ZBTB4: variants seen among roughly 807,000 people sequenced by gnomAD.
The protein encoded by ZBTB4 is zinc finger and BTB domain-containing protein 4.
A neutral mutation model predicts 59.8 loss-of-function variants in ZBTB4; 14 were observed. The observed-to-expected ratio is 0.23, with a 90% confidence interval of 0.15 to 0.37. The LOEUF (loss-of-function observed/expected upper bound fraction) is 0.37. Among genes scored for constraint, ZBTB4 ranks in the 10% least tolerant of loss-of-function variants. The pLI is 1.00. For synonymous variants in ZBTB4, 587 were observed against 575.2 expected (o/e 1.02, Z -0.29); for missense variants, 1,198 against 1,380.8 (o/e 0.87, Z 2.10).
chr17:7,460,001 T>C lies in ZBTB4; in HGVS notation c.*1939A>G, dbSNP rs2069995275. The C allele has an allele frequency of 6.6e-6, 1 of 152,642 alleles. No homozygotes were observed. The highest frequency in any genetic ancestry group is 2.4e-5 in the African/African-American group (1 of 41,452). The allele number at this position is 152,642 out of a possible 1,614,324, so 9.5% of individuals were successfully genotyped here. On this transcript the variant is annotated 3_prime_UTR_variant, in exon 4 of 4. Transcript: ENST00000380599. ...CTCTCTTGTGGTTCCGCTGTATAGA[T>C]AGATAGATATATAATTTGTGTGTAG...
At chr17:7,482,939 A>T, upstream of ZBTB4, 1 of 1,612,024 alleles carries the variant, frequency 6.2e-7, no homozygotes, top group Non-Finnish European at 8.5e-7. Context: ...TGTGCTGGGC[A>T]GCATTGCCAT....
chr17:7,461,893 G>A lies in ZBTB4; in HGVS notation c.*47C>T. ...GCCAGGGAGCTGGTAGTGGTGGGGG[G>A]TTCAGGGAGGGTGGCATCTGGTGAA... On this transcript the variant is annotated 3_prime_UTR_variant, in exon 4 of 4. Coordinates refer to ENST00000380599, the MANE Select transcript of ZBTB4 (RefSeq NM_001128833.2). 6.7e-7 allele frequency: 1 copy of A among 1,491,736 alleles called. No homozygotes were observed. Among genetic ancestry groups the A allele is most frequent in the Non-Finnish European group, 9.0e-7 (1 of 1,109,826 alleles). 92.4% of individuals were successfully genotyped at this position (1,491,736 alleles called of 1,614,324 possible).
At chr17:7,471,635 G>GC (rs2070198171) in intron 1 of ZBTB4, among the ~76,000 whole-genome samples, 3 of 152,190 alleles carry the variant, frequency 2.0e-5, no homozygotes, top group Admixed American at 2.0e-4. Flanking sequence ...CTACTGCCCT[G>GC]CAAGGCCTTA....
chr17:7,480,160 G>A (rs1375028682), upstream of ZBTB4, among the ~76,000 whole-genome samples: 1 of 152,098 alleles, frequency 6.6e-6, no homozygotes, highest in Non-Finnish European at 1.5e-5. Flanking sequence ...ACACACGAAC[G>A]ACCACCAGCG....
intron 1 of ZBTB4, among the ~76,000 whole-genome samples, chr17:7,473,821 A>T (rs926187411): frequency 6.6e-6 from 1 of 152,156 alleles, no homozygotes; most frequent in African/African-American, 2.4e-5. Context: ...AAGTGCTGGG[A>T]TCATAGTGGA....
rs1307964825 is a variant in ZBTB4, at chr17:7,460,158, T to TA, written c.*1781dup. 1 of 152,492 alleles carries TA rather than the reference T, an allele frequency of 6.6e-6. No individual in the cohort carries two copies. Among genetic ancestry groups the TA allele is most frequent in the Non-Finnish European group, 1.5e-5 (1 of 68,020 alleles). The allele number at this position is 152,492 out of a possible 1,614,324, so 9.4% of individuals were successfully genotyped here. A position where few individuals can be genotyped will look rare whatever the true frequency, so the allele number is the denominator to read the frequency against. ...CCCCATTTGAAACCTTTCCCCCCCTTAAAAATTGGAACTTGGTACATTCAG... is the reference window on the plus strand; with the variant it reads ...CCCCATTTGAAACCTTTCCCCCCCTTAAAAAATTGGAACTTGGTACATTCAG... On this transcript the variant is annotated 3_prime_UTR_variant, in exon 4 of 4. Coordinates refer to ENST00000380599, the MANE Select transcript of ZBTB4 (RefSeq NM_001128833.2).
chr17:7,463,450 G>A lies in ZBTB4; in HGVS notation c.1532C>T (p.Thr511Ile). ...TTTCTTGGGTGGCCTCGGGGGAGCA[G>A]TGTAAGTGATAACCGAGGCAGCTTG... ...GSQAASVITY[T>I]APPRPPKKRE... Residue 511 changes from threonine to isoleucine, a missense_variant, in exon 4 of 4, where the codon ACT becomes ATT. By Grantham distance (89) the Thr-to-Ile change is moderately conservative. This residue lies in a region of ZBTB4 where 550 missense variants were observed against 541.8 expected (regional missense o/e 1.02). Transcript: ENST00000380599. 2 of 1,547,852 alleles carry A rather than the reference G, an allele frequency of 1.3e-6. No individual in the cohort carries two copies. The highest frequency in any genetic ancestry group is 1.7e-6 in the Non-Finnish European group (2 of 1,147,016).
chr17:7,467,324 C>T lies in ZBTB4; in HGVS notation c.-77G>A, dbSNP rs893984673. 10 of 886,332 alleles carry T rather than the reference C, an allele frequency of 1.1e-5. No individual in the cohort carries two copies. Among genetic ancestry groups the T allele is most frequent in the Non-Finnish European group, 1.4e-5 (10 of 738,750 alleles). The allele number at this position is 886,332 out of a possible 1,614,324, so 54.9% of individuals were successfully genotyped here. A position where few individuals can be genotyped will look rare whatever the true frequency, so the allele number is the denominator to read the frequency against. On this transcript the variant is annotated 5_prime_UTR_variant, in exon 2 of 4. Coordinates refer to ENST00000380599, the MANE Select transcript of ZBTB4 (RefSeq NM_001128833.2). The stretch of plus-strand genomic sequence containing the variant: ...GCGAGTCCCTTCTGCTGGGCCTCTT[C>T]CTTCTGCGGAGAAACAGAAATTATG...
At chr17:7,476,699 T>C (rs778065305) in intron 1 of ZBTB4, among the ~76,000 whole-genome samples, 7 of 152,160 alleles carry the variant, frequency 4.6e-5, no homozygotes, top group Non-Finnish European at 1.0e-4. Context: ...TTCCTCTGAC[T>C]CATCAACCTT....
chr17:7,470,699 A>G (rs1397899781), intron 1 of ZBTB4, among the ~76,000 whole-genome samples: 2 of 152,182 alleles, frequency 1.3e-5, no homozygotes, highest in Admixed American at 1.3e-4. Flanking sequence ...TTCGTCTCAA[A>G]ATAAATAAAT....
chr17:7,468,003 G>A (rs143198024), intron 1 of ZBTB4, among the ~76,000 whole-genome samples: 122 of 152,336 alleles, frequency 8.0e-4, no homozygotes, highest in Non-Finnish European at 6.0e-4. Context: ...GAGACCTGAT[G>A]CCCTAGGGAT....
At chr17:7,469,111 C>T (rs1018726655) in intron 1 of ZBTB4, among the ~76,000 whole-genome samples, 10 of 152,034 alleles carry the variant, frequency 6.6e-5, no homozygotes, top group African/African-American at 2.2e-4. Flanking sequence ...TTTGGATTAC[C>T]TCATTTGTTC....
At position 7,462,368 on chromosome 17, in the gene ZBTB4, C is replaced by G. The variant is rs755455137; in HGVS notation, c.2614G>C (p.Val872Leu). 8.7e-6 allele frequency: 14 copies of G among 1,613,930 alleles called. No individual in the cohort carries two copies. Among genetic ancestry groups the G allele is most frequent in the Admixed American group, 1.7e-5 (1 of 60,006 alleles). ...ATCAAGGCCAGTGGAAATTCCTGCA[C>G]AGGTGGGTATACATAGCTGCCCCCG... ...ASGGSYVYPP[V>L]QEFPLALIGG... is the part of the protein sequence containing the mutation. Residue 872 changes from valine to leucine, a missense_variant, in exon 4 of 4, where the codon GTG becomes CTG. Around this residue, in one of 9 missense-constraint regions of ZBTB4, gnomAD observed 211 missense variants for 236.1 expected, o/e 0.89. Coordinates refer to ENST00000380599, the MANE Select transcript of ZBTB4 (RefSeq NM_001128833.2). The surrounding 1 kb of genome is among the most constrained non-coding windows in gnomAD (Gnocchi z 7.5).
upstream of ZBTB4, chr17:7,481,526 G>A (rs1438316787): frequency 5.9e-5 from 92 of 1,557,622 alleles, no homozygotes; most frequent in Non-Finnish European, 7.9e-5. Context: ...GATGGTGAGT[G>A]TGGGGGCCAG....
rs923412353 is a variant in ZBTB4 at position 7,460,011 on chromosome 17, T to G, written c.*1929A>C. On this transcript the variant is annotated 3_prime_UTR_variant, in exon 4 of 4. Coordinates refer to ENST00000380599, the MANE Select transcript of ZBTB4 (RefSeq NM_001128833.2). ...GTTCCGCTGTATAGATAGATAGATA[T>G]ATAATTTGTGTGTAGATATATATAT... The G allele has an allele frequency of 1.3e-5, 2 of 152,602 alleles. No individual in the cohort carries two copies. Among genetic ancestry groups the G allele is most frequent in the African/African-American group, 4.8e-5 (2 of 41,432 alleles). The allele number at this position is 152,602 out of a possible 1,614,324, so 9.5% of individuals were successfully genotyped here.
intron 1 of ZBTB4, 116 bp from the exon 2 acceptor site, chr17:7,467,443 G>A (rs1303902289): frequency 5.5e-6 from 1 of 182,910 alleles, no homozygotes; most frequent in African/African-American, 2.4e-5. Flanking sequence ...CAGTACTGTG[G>A]CCAGAGAGGA....
chr17:7,481,426 C>T (rs1488351941), upstream of ZBTB4: 3 of 1,375,344 alleles, frequency 2.2e-6, no homozygotes, highest in African/African-American at 1.5e-5. Context: ...AGGGAAGAAC[C>T]CCACCCCCAC....
Position 7,466,431 on chromosome 17 carries a change from C to G in ZBTB4, c.371G>C (p.Arg124Pro). Residue 124 changes from arginine (R) to proline (P), a missense_variant, in exon 3 of 4, where the codon CGG becomes CCG. Around this residue, in one of 9 missense-constraint regions of ZBTB4, gnomAD observed 83 missense variants for 76.5 expected, o/e 1.09. Transcript: ENST00000380599. The surrounding 1 kb of genome is among the most constrained non-coding windows in gnomAD (Gnocchi z 9.1). Reference protein sequence around the residue: ...PASPPASSPPRVLELPGVPAA... With the variant: ...PASPPASSPPPVLELPGVPAA... ...TGGGACTCCTGGCAACTCCAGGACC[C>G]GGGGTGGGGAAGAAGCAGGGGGAGA... 3 of 1,611,762 alleles carry G rather than the reference C, an allele frequency of 1.9e-6. No individual in the cohort carries two copies. The highest frequency in any genetic ancestry group is 2.5e-6 in the Non-Finnish European group (3 of 1,179,502).
At chr17:7,477,093 A>AT (rs752081837) in intron 1 of ZBTB4, among the ~76,000 whole-genome samples, 11 of 151,910 alleles carry the variant, frequency 7.2e-5, no homozygotes, top group Non-Finnish European at 1.2e-4. Flanking sequence ...GTGGCCACAT[A>AT]TAAGTGCCCT....
Sources: gnomAD v4.1 joint callset for allele counts (sites outside exome capture counted in the v4.1 genomes callset) on GRCh38, gnomAD v4.1.1 for gene constraint, gnomAD v4.1.1 regional missense constraint, Gnocchi (gnomAD v3.1) non-coding constraint, MANE v1.5 for transcripts, NCBI Gene and HGNC (gene_info 2026-07-23, HGNC 2026-07-21) for gene names.